The following PTPN12 variants were observed in gnomAD, a reference collection of about 807,000 sequenced individuals.
PTPN12 encodes the protein tyrosine-protein phosphatase non-receptor type 12.
In PTPN12, 29 loss-of-function variants were observed where a neutral mutation model predicts 97.6. That is an observed-to-expected ratio of 0.30 (90% CI 0.22 to 0.41). The LOEUF (loss-of-function observed/expected upper bound fraction) is 0.41, where lower values mean the gene tolerates loss of function less well. Ranked by LOEUF, PTPN12 falls within the 10% of genes least tolerant of loss-of-function variation. The pLI, the probability that PTPN12 is intolerant of heterozygous loss-of-function variation, is 1.00. For synonymous variants in PTPN12, 327 were observed against 300.4 expected (o/e 1.09, Z -0.91); for missense variants, 819 against 926.0 (o/e 0.88, Z 1.50).
chr7:77,555,452 C>T (rs556345599), intron 1 of PTPN12, among the ~76,000 whole-genome samples: 37 of 152,080 alleles, frequency 2.4e-4, no homozygotes, highest in African/African-American at 8.4e-4. Flanking sequence ...TTGCATATTC[C>T]ATTCTGTTGT....
intron 11 of PTPN12, among the ~76,000 whole-genome samples, chr7:77,611,664 C>T (rs763711316): frequency 1.3e-5 from 2 of 152,148 alleles, no homozygotes; most frequent in Non-Finnish European, 2.9e-5. Flanking sequence ...AGGCTGGTCT[C>T]GAACTCCTGA....
intron 9 of PTPN12, among the ~76,000 whole-genome samples, chr7:77,609,416 C>T (rs1788486244): frequency 6.6e-6 from 1 of 151,104 alleles, no homozygotes; most frequent in Non-Finnish European, 1.5e-5. Context: ...GGATTACATG[C>T]ACGCGGCACC....
chr7:77,599,380 C>T (rs1191803709), intron 7 of PTPN12, among the ~76,000 whole-genome samples: 1 of 146,748 alleles, frequency 6.8e-6, no homozygotes, highest in African/African-American at 2.5e-5. Context: ...GACTCAAACT[C>T]CTGAGCTCAA....
intron 1 of PTPN12, among the ~76,000 whole-genome samples, chr7:77,542,556 A>G (rs772843487): frequency 1.3e-4 from 20 of 152,238 alleles, no homozygotes; most frequent in Non-Finnish European, 2.2e-4. Context: ...AATAGAGTGT[A>G]TACAACACAT....
At chr7:77,619,295 A>G (rs944976249) in intron 12 of PTPN12, among the ~76,000 whole-genome samples, 2 of 152,218 alleles carry the variant, frequency 1.3e-5, no homozygotes, top group Non-Finnish European at 2.9e-5. Flanking sequence ...ATTCTTTTAT[A>G]CAGGATACAC....
intron 12 of PTPN12, among the ~76,000 whole-genome samples, chr7:77,624,831 A>T (rs1408204344): frequency 6.6e-6 from 1 of 151,576 alleles, no homozygotes; most frequent in Non-Finnish European, 1.5e-5. Flanking sequence ...CTGGGGGGAG[A>T]AAAAAAAGCA....
At chr7:77,546,493 G>T (rs1394088879) in intron 1 of PTPN12, among the ~76,000 whole-genome samples, 2 of 152,152 alleles carry the variant, frequency 1.3e-5, no homozygotes, top group African/African-American at 2.4e-5. Flanking sequence ...TTAGATTCAT[G>T]CAGTCAAACC....
chr7:77,627,078 G>A lies in PTPN12; in HGVS notation c.1399G>A (p.Ala467Thr). 1.2e-6 allele frequency: 2 copies of A among 1,614,086 alleles called. No individual in the cohort carries two copies. The highest frequency in any genetic ancestry group is 1.7e-6 in the Non-Finnish European group (2 of 1,180,014). ...NRGHAIKIKSASPCIADKISK... is the reference protein window; with the variant it reads ...NRGHAIKIKSTSPCIADKISK... Reference sequence around the variant, plus strand: ...GGGACATGCAATTAAAATTAAATCTGCTTCACCTTGTATAGCTGATAAAAT... The same window carrying A: ...GGGACATGCAATTAAAATTAAATCTACTTCACCTTGTATAGCTGATAAAAT... Residue 467 changes from alanine (A) to threonine (T), a missense_variant, in exon 13 of 18, where the codon GCT becomes ACT. This residue lies in a region of PTPN12 where 607 missense variants were observed against 577.3 expected (regional missense o/e 1.05). Transcript: ENST00000248594.
At chr7:77,603,195 A>G (rs1371461715) in intron 8 of PTPN12, among the ~76,000 whole-genome samples, 2 of 152,240 alleles carry the variant, frequency 1.3e-5, no homozygotes, top group Non-Finnish European at 2.9e-5. Flanking sequence ...ATGTTTAATT[A>G]TAGAATTAAA....
rs1199412525 is a variant in PTPN12 at position 77,627,526 on chromosome 7, CTG to C, written c.1850_1851del (p.Val617AspfsTer4). 1 of 1,614,126 alleles carries C rather than the reference CTG, an allele frequency of 6.2e-7. No individual in the cohort carries two copies. Among genetic ancestry groups the C allele is most frequent in the Non-Finnish European group, 8.5e-7 (1 of 1,179,990 alleles). Reference sequence around the variant, plus strand: ...TCAGATGAAAGAAACTCTGATGGTGCTGTGACCCAGAATAAAACTAATATTTC... The same window carrying C: ...TCAGATGAAAGAAACTCTGATGGTGCTGACCCAGAATAAAACTAATATTTC... On this transcript the variant is annotated frameshift_variant, in exon 13 of 18. Coordinates refer to ENST00000248594, the MANE Select transcript of PTPN12 (RefSeq NM_002835.4). LOFTEE classifies it high-confidence loss of function.
intron 1 of PTPN12, among the ~76,000 whole-genome samples, chr7:77,542,501 T>C (rs1807027040): frequency 6.6e-6 from 1 of 152,100 alleles, no homozygotes; most frequent in Non-Finnish European, 1.5e-5. Context: ...GCTGTTGAAA[T>C]ATAAGAAGTG....
chr7:77,551,345 C>T (rs1490567659), intron 1 of PTPN12, among the ~76,000 whole-genome samples: 3 of 152,156 alleles, frequency 2.0e-5, no homozygotes, highest in Admixed American at 2.0e-4. Context: ...ACAGGCATGA[C>T]AGTTTAACAT....
chr7:77,638,057 A>C (rs1339317918), intron 16 of PTPN12, among the ~76,000 whole-genome samples: 1 of 137,020 alleles, frequency 7.3e-6, no homozygotes, highest in African/African-American at 2.7e-5. Context: ...TCCTGGGTTC[A>C]CAACATTCTC....
intron 13 of PTPN12, among the ~76,000 whole-genome samples, chr7:77,628,494 TG>T (rs1789280856): frequency 6.6e-6 from 1 of 152,124 alleles, no homozygotes; most frequent in South Asian, 2.1e-4. Context: ...CAGTGAACTT[TG>T]GTAGTGACAC....
chr7:77,616,982 A>C (rs757663244), intron 11 of PTPN12, among the ~76,000 whole-genome samples: 4 of 152,044 alleles, frequency 2.6e-5, no homozygotes, highest in Non-Finnish European at 5.9e-5. Flanking sequence ...GGGTTTCACT[A>C]TGTTGGCCAA....
Position 77,607,945 on chromosome 7 carries a change from G to A in PTPN12, c.762+644G>A, listed in dbSNP as rs187279975. Among the ~76,000 whole-genome samples, 70 of 152,186 alleles carry A rather than the reference G, an allele frequency of 4.6e-4. No individual in the cohort carries two copies. In the East Asian group the frequency reaches 0.012, roughly 26 times the overall value. ...ATGTTTTATATTTTTGGTACAGACA[G>A]GGTTTCACCATGTTGGCCAGGCTGG... On this transcript the variant is annotated intron_variant, in intron 9 of 17. Transcript: ENST00000248594.
chr7:77,549,608 T>G (rs1807389578), intron 1 of PTPN12, among the ~76,000 whole-genome samples: 1 of 151,176 alleles, frequency 6.6e-6, no homozygotes, highest in African/African-American at 2.4e-5. Context: ...AGAGATAGGG[T>G]CCTGCTTTGT....
intron 2 of PTPN12, among the ~76,000 whole-genome samples, chr7:77,573,724 C>A (rs1181777466): frequency 2.0e-5 from 3 of 152,142 alleles, no homozygotes; most frequent in Non-Finnish European, 1.5e-5. Context: ...CTTTTTCTGT[C>A]GTCTAGCCGT....
At chr7:77,581,268 G>C (rs1787508426) in intron 2 of PTPN12, among the ~76,000 whole-genome samples, 159 bp from the exon 3 acceptor site, 1 of 151,892 alleles carries the variant, frequency 6.6e-6, no homozygotes, top group Non-Finnish European at 1.5e-5. Context: ...TTTCCTTTCA[G>C]TTTAATGTTA....
Sources: allele counts gnomAD v4.1 joint callset (sites outside exome capture counted in the v4.1 genomes callset), GRCh38; gene constraint gnomAD v4.1.1; regional missense constraint gnomAD v4.1.1; transcripts MANE v1.5; gene names NCBI Gene and HGNC (gene_info 2026-07-23, HGNC 2026-07-21).